KAZN: variants seen among roughly 807,000 people sequenced by gnomAD.
KAZN encodes the protein kazrin, periplakin interacting protein.
A neutral mutation model predicts 87.4 loss-of-function variants in KAZN; 40 were observed. The ratio of observed to expected loss-of-function variants is 0.46; its 90% CI spans 0.36 to 0.60. KAZN has a LOEUF of 0.60. KAZN is among the 20% of genes least tolerant of loss of function. The pLI is 0.00. For missense variants in KAZN, 898 were observed against 1,073.9 expected, an observed-to-expected ratio of 0.84 and a Z score of 2.29; for synonymous variants, 466 against 458.3, an observed-to-expected ratio of 1.02 and a Z score of -0.22.
intron 1 of KAZN, among the ~76,000 whole-genome samples, chr1:14,153,672 G>A (rs1177266013): frequency 2.6e-5 from 4 of 151,754 alleles, no homozygotes; most frequent in African/African-American, 9.7e-5. Flanking sequence ...AGCTACTTGG[G>A]AAGGCTGAGA....
chr1:14,897,567 G>A (rs1381622392), intron 1 of KAZN, among the ~76,000 whole-genome samples: 2 of 151,778 alleles, frequency 1.3e-5, no homozygotes, highest in African/African-American at 4.8e-5. Flanking sequence ...TAGTAAGCCC[G>A]TTATACATGT....
intron 2 of KAZN, among the ~76,000 whole-genome samples, chr1:14,381,138 G>C (rs542672334): frequency 1.6e-3 from 250 of 152,130 alleles, no homozygotes; most frequent in Non-Finnish European, 2.9e-3. Flanking sequence ...TGTATATATA[G>C]ACAAAAACTG....
At chr1:14,576,655 C>T (rs765913594) in intron 2 of KAZN, among the ~76,000 whole-genome samples, 9 of 152,172 alleles carry the variant, frequency 5.9e-5, no homozygotes, top group Non-Finnish European at 2.9e-5. Context: ...AGTCTTATGG[C>T]CTGCTGCCAT....
At chr1:14,258,811 A>C (rs1488138129) in intron 2 of KAZN, among the ~76,000 whole-genome samples, 1 of 152,130 alleles carries the variant, frequency 6.6e-6, no homozygotes, top group African/African-American at 2.4e-5. Context: ...AGGTGACTAC[A>C]ACCTCGCAGG....
intron 8 of KAZN, among the ~76,000 whole-genome samples, chr1:15,087,559 A>AT (rs1356051778): frequency 2.0e-5 from 3 of 151,650 alleles, no homozygotes; most frequent in African/African-American, 4.8e-5. Context: ...TGCCCAGCTA[A>AT]TTTTTTTGTA....
At chr1:14,558,239 A>G (rs1674030123) in intron 2 of KAZN, among the ~76,000 whole-genome samples, 1 of 152,224 alleles carries the variant, frequency 6.6e-6, no homozygotes. Context: ...CACAAATGCT[A>G]TTTGATCATC....
intron 1 of KAZN, among the ~76,000 whole-genome samples, chr1:14,921,310 G>A (rs1487223205): frequency 6.6e-6 from 1 of 152,194 alleles, no homozygotes; most frequent in African/African-American, 2.4e-5. Flanking sequence ...TGCGCTTCAG[G>A]AGGTTGCAGA....
rs533236025 is a variant in KAZN at position 14,981,994 on chromosome 1, T to A, written c.418+21119T>A. The stretch of plus-strand genomic sequence containing the variant: ...GGGACTTACCCTGGCCTGTCAGCTG[T>A]GATCTAAATGAGGCTGTCCCCTGCA... On this transcript the variant is annotated intron_variant, in intron 2 of 14. Coordinates refer to ENST00000376030, the MANE Select transcript of KAZN (RefSeq NM_201628.3). Among the ~76,000 whole-genome samples, 147 of 152,282 alleles carry A rather than the reference T, an allele frequency of 9.7e-4. 1 individual carries two copies. Among genetic ancestry groups the A allele is most frequent in the South Asian group, 5.2e-3 (25 of 4,822 alleles).
intron 2 of KAZN, among the ~76,000 whole-genome samples, chr1:14,299,469 C>G (rs35921178): frequency 0.036 from 5,535 of 152,236 alleles, 133 homozygotes; most frequent in East Asian, 0.085. Context: ...CACCACTGCA[C>G]TCCAGACTGG....
At chr1:13,918,668 G>A (rs537302123) in intron 1 of KAZN, among the ~76,000 whole-genome samples, 12 of 152,368 alleles carry the variant, frequency 7.9e-5, no homozygotes, top group African/African-American at 2.6e-4. Context: ...GTCCATTGAT[G>A]TGGCAAACTT....
At chr1:14,102,382 C>T (rs1644276193) in intron 1 of KAZN, among the ~76,000 whole-genome samples, 1 of 152,236 alleles carries the variant, frequency 6.6e-6, no homozygotes, top group Non-Finnish European at 1.5e-5. Context: ...TTGTAAACTG[C>T]TGCTGGCTTC....
chr1:14,292,814 C>T (rs1653819345), intron 2 of KAZN, among the ~76,000 whole-genome samples: 1 of 152,214 alleles, frequency 6.6e-6, no homozygotes, highest in Non-Finnish European at 1.5e-5. Context: ...TCTCAGTGCA[C>T]CTGTTTCCTC....
chr1:14,016,393 C>T (rs950833046), intron 1 of KAZN, among the ~76,000 whole-genome samples: 1 of 152,128 alleles, frequency 6.6e-6, no homozygotes, highest in Non-Finnish European at 1.5e-5. Context: ...CTATGTAAGC[C>T]TCTCAAGAGG....
intron 1 of KAZN, among the ~76,000 whole-genome samples, chr1:14,788,915 A>T (rs1362860760): frequency 6.6e-6 from 1 of 152,260 alleles, no homozygotes; most frequent in East Asian, 1.9e-4. Context: ...CCATGGGTTA[A>T]GATCTCCTCC....
intron 1 of KAZN, among the ~76,000 whole-genome samples, chr1:14,751,284 A>G (rs1024354315): frequency 6.6e-6 from 1 of 152,216 alleles, no homozygotes; most frequent in Admixed American, 6.5e-5. Context: ...TAATACGTAC[A>G]TGTGAATTGA....
At chr1:14,372,557 T>C (rs7511861) in intron 2 of KAZN, among the ~76,000 whole-genome samples, 133,114 of 152,214 alleles carry the variant, frequency 0.87, 58,443 homozygotes, top group Middle Eastern at 0.92. Context: ...AATGTCCCCG[T>C]GCATTAGCAC....
At chr1:14,245,622 T>A (rs1384175749) in intron 2 of KAZN, among the ~76,000 whole-genome samples, 2 of 152,160 alleles carry the variant, frequency 1.3e-5, no homozygotes, top group African/African-American at 2.4e-5. Context: ...AATAGAATTG[T>A]TAGGTCACAG....
At chr1:14,453,759 C>A (rs1171248145) in intron 2 of KAZN, among the ~76,000 whole-genome samples, 1 of 152,150 alleles carries the variant, frequency 6.6e-6, no homozygotes, top group African/African-American at 2.4e-5. Context: ...TCGCTTCAAC[C>A]TGGGAGGTGG....
intron 1 of KAZN, among the ~76,000 whole-genome samples, chr1:14,065,707 A>G (rs1412205428): frequency 2.0e-5 from 3 of 152,160 alleles, no homozygotes; most frequent in Non-Finnish European, 4.4e-5. Flanking sequence ...ATCGATATGC[A>G]AGGGGCGGGC....
Sources: allele counts gnomAD v4.1 joint callset (sites outside exome capture counted in the v4.1 genomes callset), GRCh38; gene constraint gnomAD v4.1.1; transcripts MANE v1.5; gene names NCBI Gene and HGNC (gene_info 2026-07-23, HGNC 2026-07-21).